DTNB: variants seen among roughly 807,000 people sequenced by gnomAD.
DTNB encodes the protein dystrobrevin beta.
Under a neutral mutation model 90.7 loss-of-function variants are expected in DTNB, and 63 were observed. The observed-to-expected ratio is 0.69, with a 90% CI of 0.57 to 0.86. The LOEUF (loss-of-function observed/expected upper bound fraction) is 0.86. Among genes scored for constraint, DTNB ranks in the 40% least tolerant of loss-of-function variants. The pLI is 0.00. For synonymous variants in DTNB, 277 were observed against 286.7 expected (o/e 0.97, Z 0.34); for missense variants, 744 against 807.1 (o/e 0.92, Z 0.95).
intron 16 of DTNB, among the ~76,000 whole-genome samples, chr2:25,399,212 C>A (rs2043097233): frequency 1.3e-5 from 2 of 151,944 alleles, no homozygotes; most frequent in African/African-American, 4.8e-5. Flanking sequence ...CCATGCCCAG[C>A]TAATTTTTGT....
chr2:25,584,374 A>T (rs1280438295), intron 6 of DTNB, among the ~76,000 whole-genome samples: 2 of 152,322 alleles, frequency 1.3e-5, no homozygotes, highest in African/African-American at 4.8e-5. Context: ...ATAAGCAAAC[A>T]TGGGAATCCA....
chr2:25,657,719 T>TCAAA (rs886825296), intron 1 of DTNB, among the ~76,000 whole-genome samples: 10 of 151,922 alleles, frequency 6.6e-5, no homozygotes, highest in African/African-American at 1.7e-4. Flanking sequence ...AAACCCTGTC[T>TCAAA]CAAACAAACA....
chr2:25,390,476 C>T (rs1203731675), intron 16 of DTNB, among the ~76,000 whole-genome samples: 1 of 150,520 alleles, frequency 6.6e-6, no homozygotes. Flanking sequence ...TGGAGTTTCA[C>T]TCTTTCACCC....
chr2:25,393,836 A>G (rs2041774366), intron 16 of DTNB, among the ~76,000 whole-genome samples: 1 of 152,170 alleles, frequency 6.6e-6, no homozygotes, highest in African/African-American at 2.4e-5. Flanking sequence ...CAATCTACAA[A>G]TTCAATGCAA....
intron 9 of DTNB, among the ~76,000 whole-genome samples, chr2:25,525,942 A>G (rs1398528867): frequency 6.6e-6 from 1 of 151,962 alleles, no homozygotes; most frequent in East Asian, 1.9e-4. Context: ...CCCAATCCCC[A>G]CCACCTCCAG....
chr2:25,438,400 T>G (rs372609684), intron 12 of DTNB, among the ~76,000 whole-genome samples: 40 of 152,338 alleles, frequency 2.6e-4, no homozygotes, highest in East Asian at 2.5e-3. Context: ...CTGGGCTGCA[T>G]GCAGCCCACA....
At chr2:25,390,128 T>C (rs2040687871) in intron 16 of DTNB, among the ~76,000 whole-genome samples, 1 of 152,202 alleles carries the variant, frequency 6.6e-6, no homozygotes, top group Non-Finnish European at 1.5e-5. Flanking sequence ...TGTATAGCTA[T>C]GAATAATAGA....
At chr2:25,552,841 A>ATTTTTT (rs544243784) in intron 8 of DTNB, among the ~76,000 whole-genome samples, 38 of 86,032 alleles carry the variant, frequency 4.4e-4, no homozygotes, top group East Asian at 9.6e-4. Context: ...TCTCTTTTTG[A>ATTTTTT]TTTTTTTTTT....
At chr2:25,568,875 G>A (rs775317118) in intron 8 of DTNB, among the ~76,000 whole-genome samples, 12 of 152,228 alleles carry the variant, frequency 7.9e-5, no homozygotes, top group African/African-American at 1.9e-4. Context: ...ACATAAGGCA[G>A]AACGCAGCAG....
intron 1 of DTNB, among the ~76,000 whole-genome samples, chr2:25,656,496 T>C (rs1414108173): frequency 1.3e-5 from 2 of 152,188 alleles, no homozygotes; most frequent in Non-Finnish European, 2.9e-5. Flanking sequence ...CTCTGCCTTT[T>C]CTTAGCCACA....
intron 8 of DTNB, among the ~76,000 whole-genome samples, chr2:25,549,564 GT>G (rs2151090954): frequency 6.6e-6 from 1 of 152,144 alleles, no homozygotes; most frequent in Non-Finnish European, 1.5e-5. Flanking sequence ...TGCTAACTTT[GT>G]TGACCTAAAT....
chr2:25,522,991 G>A (rs980969334), intron 9 of DTNB, among the ~76,000 whole-genome samples: 6 of 152,078 alleles, frequency 3.9e-5, no homozygotes, highest in Admixed American at 6.6e-5. Flanking sequence ...ATGAGCCACC[G>A]CACCAGGCCT....
At chr2:25,566,864 C>A (rs529910337) in intron 8 of DTNB, among the ~76,000 whole-genome samples, 12 of 152,112 alleles carry the variant, frequency 7.9e-5, no homozygotes, top group Non-Finnish European at 1.6e-4. Context: ...ACCAGCGGTG[C>A]TAAAGGGAAG....
intron 9 of DTNB, among the ~76,000 whole-genome samples, chr2:25,486,436 AGGCT>A (rs1407668462): frequency 6.6e-6 from 1 of 152,168 alleles, no homozygotes. Context: ...ACTGCACTTC[AGGCT>A]GGGTGACAAG....
At chr2:25,616,160 A>G (rs904001406) in intron 4 of DTNB, among the ~76,000 whole-genome samples, 1 of 152,208 alleles carries the variant, frequency 6.6e-6, no homozygotes, top group Non-Finnish European at 1.5e-5. Context: ...GTTGCTATCT[A>G]TGCAGACAGA....
intron 10 of DTNB, among the ~76,000 whole-genome samples, chr2:25,458,008 T>G (rs2060311469): frequency 1.3e-5 from 2 of 152,048 alleles, no homozygotes; most frequent in South Asian, 4.2e-4. Context: ...TAATTTTTTG[T>G]ATTTTTAGTA....
rs66917623 is a variant in DTNB at position 25,387,418 on chromosome 2, G to T, written c.1736-40C>A. 419,123 of 1,590,718 alleles carry T rather than the reference G, an allele frequency of 0.26. 58,196 individuals are homozygous for T. Among genetic ancestry groups the T allele is most frequent in the Middle Eastern group, 0.29 (1,706 of 5,880 alleles). ...AGCAGATGGGGATGCCAGGGTGGGTGAGCGTGGAGAAGAGACGGCTGAGCA... is the reference window on the plus strand; with the variant it reads ...AGCAGATGGGGATGCCAGGGTGGGTTAGCGTGGAGAAGAGACGGCTGAGCA... On this transcript the variant is annotated intron_variant, in intron 17 of 20. Coordinates refer to ENST00000406818, the MANE Select transcript of DTNB (RefSeq NM_021907.5). The surrounding 1 kb of genome is among the most constrained non-coding windows in gnomAD (Gnocchi z 4.5).
intron 16 of DTNB, among the ~76,000 whole-genome samples, chr2:25,404,337 C>T (rs1054337855): frequency 5.3e-5 from 8 of 152,052 alleles, no homozygotes; most frequent in Admixed American, 3.3e-4. Flanking sequence ...GAGAGTATCT[C>T]GACGGGTACA....
rs2064591820 is a variant in DTNB at position 25,596,178 on chromosome 2, GAA to G, written c.509_510del (p.Phe170SerfsTer13). 2 of 1,613,542 alleles carry G rather than the reference GAA, an allele frequency of 1.2e-6. No homozygotes were observed. Among genetic ancestry groups the G allele is most frequent in the African/African-American group, 1.3e-5 (1 of 74,998 alleles). Reference protein sequence around the residue: ...GLMIFSKFDQFLKEVLKLPTA... With the variant: ...GLMIFSKFDQXLKEVLKLPTA... The stretch of plus-strand genomic sequence containing the variant: ...GTTGGGAGCTTCAGAACTTCCTTCA[GAA>G]ACTGGTCAAACTTGCTAAATATCAT... On this transcript the variant is annotated frameshift_variant, in exon 6 of 21. Coordinates refer to ENST00000406818, the MANE Select transcript of DTNB (RefSeq NM_021907.5). LOFTEE classifies it high-confidence loss of function.
Sources: allele counts gnomAD v4.1 joint callset (sites outside exome capture counted in the v4.1 genomes callset), GRCh38; gene constraint gnomAD v4.1.1; non-coding constraint Gnocchi (gnomAD v3.1); transcripts MANE v1.5; gene names NCBI Gene and HGNC (gene_info 2026-07-23, HGNC 2026-07-21).